NXPH1: variants seen among roughly 807,000 people sequenced by gnomAD.
The protein encoded by NXPH1 is neurexophilin-1.
Under a neutral mutation model 23.7 loss-of-function variants are expected in NXPH1, and 5 were observed. The ratio of observed to expected loss-of-function variants is 0.21; its 90% CI spans 0.11 to 0.44. NXPH1 has a LOEUF of 0.44. Ranked by LOEUF, NXPH1 falls within the 20% of genes least tolerant of loss-of-function variation. The probability of loss-of-function intolerance (pLI) is 0.99; values close to 1 mark genes in which losing one functional copy is unlikely to be tolerated. For missense variants in NXPH1, 324 were observed against 321.6 expected (o/e 1.01, Z -0.06); for synonymous variants, 144 against 122.2 (o/e 1.18, Z -1.18).
chr7:8,726,878 G>A (rs1167923016), intron 2 of NXPH1, among the ~76,000 whole-genome samples: 2 of 151,992 alleles, frequency 1.3e-5, no homozygotes, highest in South Asian at 2.1e-4. Context: ...GTCAAATGGC[G>A]TTTCTAGTTC....
intron 2 of NXPH1, among the ~76,000 whole-genome samples, chr7:8,708,283 A>C (rs577573623): frequency 6.6e-6 from 1 of 152,274 alleles, no homozygotes; most frequent in African/African-American, 2.4e-5. Flanking sequence ...AGGTGTTCTA[A>C]ATTTTGTCAT....
chr7:8,667,309 T>A (rs909423991), intron 2 of NXPH1, among the ~76,000 whole-genome samples: 3 of 152,158 alleles, frequency 2.0e-5, no homozygotes, highest in African/African-American at 7.2e-5. Flanking sequence ...GTGTCCCATT[T>A]TTTTTCAGCT....
chr7:8,600,561 G>A (rs1819335745), intron 2 of NXPH1, among the ~76,000 whole-genome samples: 1 of 152,166 alleles, frequency 6.6e-6, no homozygotes, highest in Non-Finnish European at 1.5e-5. Flanking sequence ...CAATGTCTAG[G>A]CTCTGTCTAG....
intron 2 of NXPH1, among the ~76,000 whole-genome samples, chr7:8,732,520 C>T (rs12234501): frequency 0.2 from 30,747 of 152,140 alleles, 3,482 homozygotes; most frequent in East Asian, 0.32. Context: ...ATATAGAACA[C>T]TTCTCTCTTC....
rs889554422 is a variant in NXPH1, at chr7:8,710,878, G to C, written c.55-40130G>C. 1.9e-4 allele frequency among the ~76,000 whole-genome samples: 22 copies of C among 115,416 alleles called. 1 individual carries two copies. Among genetic ancestry groups the C allele is most frequent in the Non-Finnish European group, 3.6e-4 (22 of 60,982 alleles). 75.7% of individuals were successfully genotyped at this position (115,416 alleles called of 152,430 possible). On this transcript the variant is annotated intron_variant, in intron 2 of 2. Transcript: ENST00000405863. ...GGGGTTTCACCGTGTTAGCCAGGAT[G>C]GTCTCGATCTCCTGACCTCATGATC...
At chr7:8,727,092 G>A (rs926342992) in intron 2 of NXPH1, among the ~76,000 whole-genome samples, 1 of 148,330 alleles carries the variant, frequency 6.7e-6, no homozygotes, top group South Asian at 2.2e-4. Flanking sequence ...GCCAGTGATG[G>A]TGAGCATTTT....
intron 2 of NXPH1, among the ~76,000 whole-genome samples, chr7:8,740,194 G>T (rs1048243667): frequency 6.6e-6 from 1 of 152,140 alleles, no homozygotes; most frequent in African/African-American, 2.4e-5. Context: ...CTCATGTGTT[G>T]TGCTCAAACT....
intron 2 of NXPH1, among the ~76,000 whole-genome samples, chr7:8,584,318 A>G (rs546447295): frequency 1.2e-4 from 19 of 152,326 alleles, no homozygotes; most frequent in Admixed American, 1.1e-3. Flanking sequence ...TGAAACACCA[A>G]TAACATTGTT....
chr7:8,589,796 A>G (rs926839551), intron 2 of NXPH1, among the ~76,000 whole-genome samples: 5 of 152,088 alleles, frequency 3.3e-5, no homozygotes, highest in Admixed American at 3.3e-4. Context: ...GCACCATCCA[A>G]TAGATAGCCA....
chr7:8,529,491 C>T (rs922091041), intron 2 of NXPH1, among the ~76,000 whole-genome samples: 20 of 152,162 alleles, frequency 1.3e-4, no homozygotes, highest in African/African-American at 4.8e-4. Context: ...AGGGTTCACA[C>T]CTGCCAAGAT....
At chr7:8,497,011 C>T (rs1442971877) in intron 2 of NXPH1, among the ~76,000 whole-genome samples, 3 of 152,026 alleles carry the variant, frequency 2.0e-5, no homozygotes, top group Non-Finnish European at 1.5e-5. Context: ...AATGCTATCC[C>T]TCCCCTTACC....
At chr7:8,666,679 C>T (rs1820772679) in intron 2 of NXPH1, among the ~76,000 whole-genome samples, 1 of 152,056 alleles carries the variant, frequency 6.6e-6, no homozygotes, top group East Asian at 1.9e-4. Context: ...TGCTAGAAGA[C>T]TTTTTATTGC....
chr7:8,533,489 A>T (rs909765863), intron 2 of NXPH1, among the ~76,000 whole-genome samples: 5 of 152,114 alleles, frequency 3.3e-5, no homozygotes, highest in South Asian at 2.1e-4. Context: ...TAGCATTTTT[A>T]AAAAAATTCA....
At chr7:8,722,900 T>G (rs1055814175) in intron 2 of NXPH1, among the ~76,000 whole-genome samples, 1 of 152,220 alleles carries the variant, frequency 6.6e-6, no homozygotes, top group Non-Finnish European at 1.5e-5. Context: ...AGATGTTTAG[T>G]GATTGTAACT....
At chr7:8,745,390 G>A (rs1780449619) in intron 2 of NXPH1, among the ~76,000 whole-genome samples, 1 of 115,414 alleles carries the variant, frequency 8.7e-6, no homozygotes, top group Non-Finnish European at 1.6e-5. Context: ...AATGTGGAGT[G>A]TAAAAAAGTT....
intron 2 of NXPH1, among the ~76,000 whole-genome samples, chr7:8,687,720 A>G (rs1383897445): frequency 6.6e-6 from 1 of 152,168 alleles, no homozygotes; most frequent in East Asian, 1.9e-4. Flanking sequence ...GAGCAATATG[A>G]TGATATCTGT....
At chr7:8,597,342 C>G (rs781167237) in intron 2 of NXPH1, among the ~76,000 whole-genome samples, 15 of 151,946 alleles carry the variant, frequency 9.9e-5, no homozygotes, top group Non-Finnish European at 1.6e-4. Context: ...GCTGGGAGAC[C>G]ACTTCGGGTC....
At chr7:8,617,515 G>A (rs1339793529) in intron 2 of NXPH1, among the ~76,000 whole-genome samples, 3 of 152,082 alleles carry the variant, frequency 2.0e-5, no homozygotes, top group South Asian at 4.1e-4. Flanking sequence ...CAACACAGGT[G>A]GAACTGGAGA....
chr7:8,696,834 C>T (rs1444817678), intron 2 of NXPH1, among the ~76,000 whole-genome samples: 1 of 88,194 alleles, frequency 1.1e-5, no homozygotes, highest in African/African-American at 4.1e-5. Context: ...GAGCAAGACT[C>T]CCTCTCAAAA....
Sources: allele counts gnomAD v4.1 joint callset (sites outside exome capture counted in the v4.1 genomes callset), GRCh38; gene constraint gnomAD v4.1.1; transcripts MANE v1.5; gene names NCBI Gene and HGNC (gene_info 2026-07-23, HGNC 2026-07-21).